CYFIP1: variants seen among roughly 807,000 people sequenced by gnomAD.
CYFIP1 encodes cytoplasmic FMR1-interacting protein 1.
In CYFIP1, 58 loss-of-function variants were observed where a neutral mutation model predicts 163.5. The ratio of observed to expected loss-of-function variants is 0.35; its 90% CI spans 0.29 to 0.44. The LOEUF is 0.44. Ranked by LOEUF, CYFIP1 falls within the 20% of genes least tolerant of loss-of-function variation. The pLI is 1.00. For missense variants in CYFIP1, 1,338 were observed against 1,653.8 expected (o/e 0.81, Z 3.31); for synonymous variants, 663 against 660.7 (o/e 1.00, Z -0.05).
rs200179644 is a variant in CYFIP1, at chr15:22,874,537, C to A, written c.3210+13G>T. The stretch of plus-strand genomic sequence containing the variant: ...CAGCTTGCAACAGCCACAGCCATCA[C>A]GGTACACGTTACCTGAGGGGTCCCC... On this transcript the variant is annotated intron_variant, in intron 28 of 30. Coordinates refer to ENST00000617928, the MANE Select transcript of CYFIP1 (RefSeq NM_014608.6). 6.3e-7 allele frequency: 1 copy of A among 1,578,832 alleles called. No homozygotes were observed. The highest frequency in any genetic ancestry group is 1.2e-5 in the South Asian group (1 of 85,382).
At chr15:22,973,931 A>G (rs2063184014) in intron 1 of CYFIP1, among the ~76,000 whole-genome samples, 1 of 152,206 alleles carries the variant, frequency 6.6e-6, no homozygotes, top group South Asian at 2.1e-4. Flanking sequence ...AAAATGCTCA[A>G]CATCGCTAAT....
chr15:22,926,803 G>A (rs1441291810), intron 12 of CYFIP1, among the ~76,000 whole-genome samples: 1 of 152,124 alleles, frequency 6.6e-6, no homozygotes, highest in African/African-American at 2.4e-5. Context: ...GTGTTAGATA[G>A]ATCAGTTAGG....
intron 1 of CYFIP1, among the ~76,000 whole-genome samples, chr15:22,965,928 T>C (rs1452598605): frequency 2.0e-5 from 3 of 152,158 alleles, no homozygotes; most frequent in Admixed American, 1.3e-4. Flanking sequence ...CTGTGTGCTC[T>C]CAAAATTCGT....
chr15:22,932,651 G>A (rs937826908), intron 10 of CYFIP1, among the ~76,000 whole-genome samples: 1 of 152,294 alleles, frequency 6.6e-6, no homozygotes, highest in East Asian at 1.9e-4. Flanking sequence ...CTTGGCAAAA[G>A]TCAATGAAAG....
rs147446976 is a variant in CYFIP1, at chr15:22,895,891, G to A, written c.2589-2914C>T. Among the ~76,000 whole-genome samples the A allele has an allele frequency of 2.5e-3, 385 of 152,306 alleles. 1 individual carries two copies. Among genetic ancestry groups the A allele is most frequent in the African/African-American group, 8.9e-3 (368 of 41,562 alleles). ...CACCTCAGAGCTCGGAGGGTGATGC[G>A]TCCCTGAGGACAGGGAAAGCTTTGC... On this transcript the variant is annotated intron_variant, in intron 22 of 30. Coordinates refer to ENST00000617928, the MANE Select transcript of CYFIP1 (RefSeq NM_014608.6).
intron 1 of CYFIP1, among the ~76,000 whole-genome samples, chr15:22,979,507 C>T (rs947301597): frequency 6.6e-6 from 1 of 152,170 alleles, no homozygotes; most frequent in African/African-American, 2.4e-5. Flanking sequence ...GCGCTGGGCT[C>T]AATCAGCAGC....
At chr15:22,934,835 A>G (rs2061663752) in intron 9 of CYFIP1, among the ~76,000 whole-genome samples, 1 of 151,046 alleles carries the variant, frequency 6.6e-6, no homozygotes, top group African/African-American at 2.4e-5. Flanking sequence ...TCAGAATACA[A>G]AAACTTAAAG....
rs747010689 is a variant in CYFIP1, at chr15:22,872,990, A to G, written c.3450-18T>C. On this transcript the variant is annotated intron_variant, in intron 29 of 30. Coordinates refer to ENST00000617928, the MANE Select transcript of CYFIP1 (RefSeq NM_014608.6). ...AGCACTGCCTAGGAACAAGAAGCAGAAACAGAATGGGAGATGAGTGATACG... is the reference window on the plus strand; with the variant it reads ...AGCACTGCCTAGGAACAAGAAGCAGGAACAGAATGGGAGATGAGTGATACG... The G allele has an allele frequency of 8.7e-6, 14 of 1,612,570 alleles. No homozygotes were observed. Among genetic ancestry groups the G allele is most frequent in the Non-Finnish European group, 1.1e-5 (13 of 1,179,292 alleles).
At chr15:22,916,716 G>A (rs541707268) in intron 15 of CYFIP1, 86 bp from the exon 16 acceptor site, 3 of 1,613,916 alleles carry the variant, frequency 1.9e-6, no homozygotes, top group African/African-American at 1.3e-5. Flanking sequence ...ATGAGAGAAG[G>A]ACTGCTCCGC....
chr15:22,966,816 C>T (rs1013783367), intron 1 of CYFIP1, among the ~76,000 whole-genome samples: 1 of 151,932 alleles, frequency 6.6e-6, no homozygotes, highest in Non-Finnish European at 1.5e-5. Context: ...CGATGAGCAG[C>T]AGACACAGCA....
chr15:22,978,834 T>C (rs1408968382), intron 1 of CYFIP1, among the ~76,000 whole-genome samples: 3 of 151,990 alleles, frequency 2.0e-5, no homozygotes, highest in Non-Finnish European at 2.9e-5. Context: ...CATTCTGGAA[T>C]GGGCAAAGCA....
intron 17 of CYFIP1, among the ~76,000 whole-genome samples, chr15:22,913,605 TAAAA>T (rs33967385): frequency 0.019 from 1,295 of 66,946 alleles, 40 homozygotes; most frequent in African/African-American, 0.074. Context: ...TAGACAGCAT[TAAAA>T]AAAAAAAAAA....
intron 1 of CYFIP1, among the ~76,000 whole-genome samples, chr15:22,963,139 GA>G (rs2062745685): frequency 6.6e-6 from 1 of 152,216 alleles, no homozygotes. Flanking sequence ...AGTGGAGAGA[GA>G]AGTGTTTGAA....
chr15:22,874,660 T>C lies in CYFIP1; in HGVS notation c.3116-16A>G. 1 of 1,536,398 alleles carries C rather than the reference T, an allele frequency of 6.5e-7. No individual in the cohort carries two copies. The highest frequency in any genetic ancestry group is 8.8e-7 in the Non-Finnish European group (1 of 1,134,178). On this transcript the variant is annotated splice_polypyrimidine_tract_variant and intron_variant, in intron 27 of 30. Coordinates refer to ENST00000617928, the MANE Select transcript of CYFIP1 (RefSeq NM_014608.6). ...CTCTCCCCCTCTGCAGTAGAAAAAATATTTTACTATATTCTGCTCCTTTGT... is the reference window on the plus strand; with the variant it reads ...CTCTCCCCCTCTGCAGTAGAAAAAACATTTTACTATATTCTGCTCCTTTGT...
At position 22,962,079 on chromosome 15, in the gene CYFIP1, C is replaced by A. The variant is rs555459597; in HGVS notation, c.-6-14788G>T. Among the ~76,000 whole-genome samples the A allele has an allele frequency of 3.9e-5, 6 of 152,244 alleles. No homozygotes were observed. The East Asian group carries it at 1.2e-3, about 29-fold the overall frequency. On this transcript the variant is annotated intron_variant, in intron 1 of 30. Coordinates refer to ENST00000617928, the MANE Select transcript of CYFIP1 (RefSeq NM_014608.6). ...GCCAAACAGCTGCTCAGGTGAGAAA[C>A]AGTGTCAAGGCAGCACTACTATAGG... is the stretch of plus-strand genomic sequence containing the variant.
rs2061815991 is a variant in CYFIP1, at chr15:22,939,204, G to A, written c.783C>T (p.His261=). 6.2e-7 allele frequency: 1 copy of A among 1,614,210 alleles called. No individual in the cohort carries two copies. The highest frequency in any genetic ancestry group is 2.2e-5 in the East Asian group (1 of 44,884). ...CCCACACACGTACTTTGAGAAGCAT[G>A]TGTTTCTCACTGGGCGTCAAATACA... ...NRMYLTPSEK[H]MLLKVMGFGL... is the part of the protein sequence containing the mutation. Residue 261 remains histidine (H), a synonymous_variant, in exon 8 of 31, where the codon CAC becomes CAT. Transcript: ENST00000617928.
Position 22,927,971 on chromosome 15 carries a change from G to C in CYFIP1, c.1168C>G (p.Leu390Val). Residue 390 changes from leucine (L) to valine (V), a missense_variant, in exon 12 of 31, where the codon CTC becomes GTC. Physicochemically the swap from Leu to Val is conservative, Grantham distance 32. Around this residue, in one of 4 missense-constraint regions of CYFIP1, gnomAD observed 824 missense variants for 995.7 expected, o/e 0.83. Transcript: ENST00000617928. ...AGGCCCTGCAGCGCCAGGTCGAAGAGCTTGCGGTACTCCGCGTCCGTCTTC... is the reference window on the plus strand; with the variant it reads ...AGGCCCTGCAGCGCCAGGTCGAAGACCTTGCGGTACTCCGCGTCCGTCTTC... ...AQKTDAEYRK[L>V]FDLALQGLQL... 1 of 1,604,144 alleles carries C rather than the reference G, an allele frequency of 6.2e-7. No individual in the cohort carries two copies. Among genetic ancestry groups the C allele is most frequent in the Non-Finnish European group, 8.5e-7 (1 of 1,177,022 alleles).
chr15:22,886,585 A>AT (rs2059932591), intron 23 of CYFIP1, among the ~76,000 whole-genome samples: 1 of 151,602 alleles, frequency 6.6e-6, no homozygotes, highest in African/African-American at 2.4e-5. Context: ...GCATATAGAG[A>AT]TTTTCTGGTT....
At chr15:22,941,215 C>T (rs1261317289) in intron 6 of CYFIP1, among the ~76,000 whole-genome samples, 2 of 150,512 alleles carry the variant, frequency 1.3e-5, no homozygotes, top group Middle Eastern at 3.4e-3. Context: ...GCCACCACAC[C>T]CAGCTAGTTT....
Sources: gnomAD v4.1 joint callset for allele counts (sites outside exome capture counted in the v4.1 genomes callset) on GRCh38, gnomAD v4.1.1 for gene constraint, gnomAD v4.1.1 regional missense constraint, MANE v1.5 for transcripts, NCBI Gene and HGNC (gene_info 2026-07-23, HGNC 2026-07-21) for gene names.